Variants in TMEM106B observed in about 807,000 individuals in gnomAD.
TMEM106B encodes transmembrane protein 106B.
In TMEM106B, 15 loss-of-function variants were observed where a neutral mutation model predicts 31.1. The observed-to-expected ratio is 0.48, with a 90% confidence interval of 0.32 to 0.74. The LOEUF is 0.74. TMEM106B is among the 30% of genes least tolerant of loss of function. The probability of loss-of-function intolerance (pLI) is 0.03; values close to 1 mark genes in which losing one functional copy is unlikely to be tolerated. For synonymous variants in TMEM106B, 126 were observed against 112.5 expected (o/e 1.12, Z -0.76); for missense variants, 283 against 327.3 (o/e 0.86, Z 1.04).
chr7:12,227,629 A>ATATCTTGGTGCTTAAACTTTGTTTC (rs757888753), intron 4 of TMEM106B, among the ~76,000 whole-genome samples: 1 of 150,974 alleles, frequency 6.6e-6, no homozygotes, highest in African/African-American at 2.4e-5. Context: ...TATTAGGAAA[A>ATATCTTGGTGCTTAAACTTTGTTTC]CATCTTTGTG....
chr7:12,230,291 A>T (rs1781994095), intron 5 of TMEM106B, 98 bp from the exon 6 acceptor site: 1 of 886,502 alleles, frequency 1.1e-6, no homozygotes, highest in African/African-American at 1.7e-5. Context: ...AGCTTGTAAA[A>T]GGAGAAAAAT....
intron 2 of TMEM106B, among the ~76,000 whole-genome samples, chr7:12,217,872 G>A (rs1457551445): frequency 6.6e-6 from 1 of 152,076 alleles, no homozygotes; most frequent in Non-Finnish European, 1.5e-5. Context: ...TTAAACTTAT[G>A]GATATAGCTC....
chr7:12,230,131 T>C (rs1254723922), intron 5 of TMEM106B, among the ~76,000 whole-genome samples: 2 of 151,788 alleles, frequency 1.3e-5, no homozygotes, highest in Non-Finnish European at 2.9e-5. Flanking sequence ...GGTGGGAGGA[T>C]CACTGGAGCC....
At chr7:12,231,676 T>C (rs1782026091) in intron 7 of TMEM106B, 161 bp from the exon 8 acceptor site, 4 of 555,884 alleles carry the variant, frequency 7.2e-6, no homozygotes, top group Non-Finnish European at 1.2e-5. Context: ...TTGTTGTCTG[T>C]TGGGGAAATA....
chr7:12,220,540 C>T (rs1315616441), intron 3 of TMEM106B, among the ~76,000 whole-genome samples: 2 of 152,172 alleles, frequency 1.3e-5, no homozygotes, highest in Admixed American at 1.3e-4. Context: ...TCCAATCTTG[C>T]TCATAATAGA....
chr7:12,212,340 G>T (rs536773221), intron 1 of TMEM106B, among the ~76,000 whole-genome samples: 81 of 152,244 alleles, frequency 5.3e-4, no homozygotes, highest in Middle Eastern at 3.4e-3. Flanking sequence ...CTAGTGTTCC[G>T]CATAGACCCC....
At chr7:12,230,963 A>G (rs1378224226) in intron 6 of TMEM106B, 99 bp from the exon 7 acceptor site, 4 of 768,554 alleles carry the variant, frequency 5.2e-6, no homozygotes, top group African/African-American at 1.8e-5. Context: ...AATGCTTATT[A>G]TATTTCTTAG....
In TMEM106B at chr7:12,231,991, G is replaced by GATTTAAAGAAGA. The variant is rs1286291138; in HGVS notation, c.*18_*29dup. The GATTTAAAGAAGA allele has an allele frequency of 1.2e-6, 2 of 1,605,328 alleles. No individual in the cohort carries two copies. The highest frequency in any genetic ancestry group is 2.7e-5 in the African/African-American group (2 of 74,630). Reference sequence around the variant, plus strand: ...ACAACAGTAAAAACTGGAAGAGATGGATTTAAAGAAGAAATATCTATTGAT... The same window carrying GATTTAAAGAAGA: ...ACAACAGTAAAAACTGGAAGAGATGGATTTAAAGAAGAATTTAAAGAAGAAATATCTATTGAT... On this transcript the variant is annotated 3_prime_UTR_variant, in exon 8 of 8. Transcript: ENST00000396668.
chr7:12,227,818 T>C (rs1487287669), intron 4 of TMEM106B, among the ~76,000 whole-genome samples: 1 of 151,958 alleles, frequency 6.6e-6, no homozygotes, highest in African/African-American at 2.4e-5. Context: ...CCTTTATTAC[T>C]AAATTTTTAT....
At position 12,240,699 on chromosome 7, in the gene TMEM106B, T is replaced by C. The variant is rs1247682870; in HGVS notation, c.*8724T>C. The C allele has an allele frequency of 6.6e-6, 1 of 152,032 alleles. No individual in the cohort carries two copies. Among genetic ancestry groups the C allele is most frequent in the African/African-American group, 2.4e-5 (1 of 41,430 alleles). 9.4% of individuals were successfully genotyped at this position (152,032 alleles called of 1,614,324 possible). A position where few individuals can be genotyped will look rare whatever the true frequency, so the allele number is the denominator to read the frequency against. On this transcript the variant is annotated 3_prime_UTR_variant, in exon 8 of 8. Transcript: ENST00000396668. ...TTTTTTTTTCTGGTAGATTTCTGTT[T>C]CCTTGATCAGTGGTTTTTCAGAATT...
In TMEM106B at chr7:12,233,147, C is replaced by T. The variant is rs1782059672; in HGVS notation, c.*1172C>T. The T allele has an allele frequency of 6.6e-6, 1 of 150,804 alleles. No individual in the cohort carries two copies. The highest frequency in any genetic ancestry group is 2.4e-5 in the African/African-American group (1 of 41,102). 9.3% of individuals were successfully genotyped at this position (150,804 alleles called of 1,614,324 possible). On this transcript the variant is annotated 3_prime_UTR_variant, in exon 8 of 8. Coordinates refer to ENST00000396668, the MANE Select transcript of TMEM106B (RefSeq NM_001134232.2). ...CTAGTAGTTACTTTTTTATAGTTTTCTACTTTTGGTTTTATTTAAAATTGT... is the reference window on the plus strand; with the variant it reads ...CTAGTAGTTACTTTTTTATAGTTTTTTACTTTTGGTTTTATTTAAAATTGT...
intron 1 of TMEM106B, among the ~76,000 whole-genome samples, chr7:12,213,080 T>C (rs956308730): frequency 3.3e-5 from 5 of 152,222 alleles, no homozygotes; most frequent in African/African-American, 9.6e-5. Context: ...AGTATAAAGT[T>C]ACTTCATTAT....
At chr7:12,220,951 T>C (rs1029266497) in intron 3 of TMEM106B, among the ~76,000 whole-genome samples, 2 of 152,148 alleles carry the variant, frequency 1.3e-5, no homozygotes, top group African/African-American at 2.4e-5. Context: ...TGTTTTTCTT[T>C]GAAAACACCA....
intron 1 of TMEM106B, 94 bp from the exon 2 acceptor site, chr7:12,214,715 G>C: frequency 7.5e-6 from 8 of 1,072,282 alleles, no homozygotes; most frequent in Non-Finnish European, 1.0e-5. Context: ...ACTGTTCCTT[G>C]ACTGTTCTAA....
intron 3 of TMEM106B, 42 bp downstream of exon 3, chr7:12,218,563 T>C (rs1313644514): frequency 5.9e-6 from 9 of 1,535,944 alleles, no homozygotes; most frequent in Non-Finnish European, 7.9e-6. Flanking sequence ...ATGTTTTATT[T>C]TTGTTTTTTG....
At chr7:12,220,009 C>A (rs17165737) in intron 3 of TMEM106B, among the ~76,000 whole-genome samples, 18,880 of 151,944 alleles carry the variant, frequency 0.12, 1,293 homozygotes, top group African/African-American at 0.19. Flanking sequence ...AAGAAAACAA[C>A]AAAACTCCTA....
chr7:12,229,791 C>G lies in TMEM106B; in HGVS notation c.554C>G (p.Thr185Ser), dbSNP rs3173615. Residue 185 changes from threonine to serine, a missense_variant, in exon 5 of 8, where the codon ACC becomes AGC. Physicochemically the swap from Thr to Ser is moderately conservative, Grantham distance 58 (BLOSUM62 1). Transcript: ENST00000396668. ...VIGKARLNNI[T>S]IIGPLDMKQI... is the part of the protein sequence containing the mutation. The stretch of plus-strand genomic sequence containing the variant: ...GGAAAGGCACGCTTAAACAACATAA[C>G]CATTATTGGTCCACTTGATATGAAA... 717,491 of 1,603,674 alleles carry G rather than the reference C, an allele frequency of 0.45. 167,361 individuals are homozygous for G. Among genetic ancestry groups the G allele is most frequent in the African/African-American group, 0.67 (49,769 of 74,532 alleles).
chr7:12,216,494 A>C (rs1413219864), intron 2 of TMEM106B, among the ~76,000 whole-genome samples: 1 of 152,134 alleles, frequency 6.6e-6, no homozygotes, highest in African/African-American at 2.4e-5. Context: ...TTCATTAGGC[A>C]GTTAGTTATC....
Position 12,232,276 on chromosome 7 carries a change from G to A in TMEM106B, c.*301G>A, listed in dbSNP as rs752586501. ...TAGTACAATAAATAATTATTTAAAA[G>A]TCATAGCTCCAGTCACTACTGAAAA... On this transcript the variant is annotated 3_prime_UTR_variant, in exon 8 of 8. Transcript: ENST00000396668. 6.6e-5 allele frequency: 12 copies of A among 183,202 alleles called. No individual in the cohort carries two copies. The highest frequency in any genetic ancestry group is 1.4e-4 in the Non-Finnish European group (12 of 88,692). The allele number at this position is 183,202 out of a possible 1,614,324, so 11.3% of individuals were successfully genotyped here. A position where few individuals can be genotyped will look rare whatever the true frequency, so the allele number is the denominator to read the frequency against.
Sources: gnomAD v4.1 joint callset for allele counts (sites outside exome capture counted in the v4.1 genomes callset) on GRCh38, gnomAD v4.1.1 for gene constraint, MANE v1.5 for transcripts, NCBI Gene and HGNC (gene_info 2026-07-23, HGNC 2026-07-21) for gene names.